Variants in SPTBN1 observed in about 807,000 individuals in gnomAD.
The protein encoded by SPTBN1 is spectrin beta, non-erythrocytic 1, also known as spectrin beta chain, non-erythrocytic 1.
A neutral mutation model predicts 266.4 loss-of-function variants in SPTBN1; 32 were observed. The observed-to-expected ratio is 0.12, with a 90% confidence interval of 0.09 to 0.16. The LOEUF is 0.16. SPTBN1 is among the 10% of genes least tolerant of loss of function. The pLI is 1.00. For missense variants in SPTBN1, 2,296 were observed against 3,067.1 expected (o/e 0.75, Z 5.94); for synonymous variants, 1,336 against 1,162.2 (o/e 1.15, Z -3.04).
Position 54,647,248 on chromosome 2 carries a change from A to G in SPTBN1, c.4984A>G (p.Ser1662Gly). The G allele has an allele frequency of 6.2e-7, 1 of 1,613,978 alleles. No individual in the cohort carries two copies. The part of the protein sequence containing the change: ...SKTSRALVAD[S>G]HPESERISMR... The stretch of plus-strand genomic sequence containing the variant: ...GACCAGCCGGGCCCTGGTGGCCGAC[A>G]GCCATCCTGAAAGGTGAGCGCTGCT... Residue 1662 changes from serine to glycine, a missense_variant, in exon 24 of 36, where the codon AGC (serine) becomes GGC (glycine). Ser to Gly is a moderately conservative substitution (Grantham distance 56). Around this residue, in one of 12 missense-constraint regions of SPTBN1, gnomAD observed 644 missense variants for 745.3 expected, o/e 0.86. Coordinates refer to ENST00000356805, the MANE Select transcript of SPTBN1 (RefSeq NM_003128.3).
intron 1 of SPTBN1, among the ~76,000 whole-genome samples, chr2:54,519,353 G>A (rs1371066621): frequency 2.6e-5 from 4 of 152,172 alleles, no homozygotes; most frequent in East Asian, 1.9e-4. Context: ...ATAGGTCAGC[G>A]GTGCATAAGG....
intron 2 of SPTBN1, among the ~76,000 whole-genome samples, chr2:54,559,451 A>C (rs1673127052): frequency 6.6e-6 from 1 of 152,220 alleles, no homozygotes; most frequent in South Asian, 2.1e-4. Context: ...ATAATTTCTA[A>C]TGAAAGCCGG....
intron 1 of SPTBN1, among the ~76,000 whole-genome samples, chr2:54,465,862 G>A (rs1024300737): frequency 6.6e-6 from 1 of 151,882 alleles, no homozygotes; most frequent in Admixed American, 6.6e-5. Context: ...CTATTTTATG[G>A]TCCAAGTCTC....
rs141619895 is a variant in SPTBN1 at position 54,565,820 on chromosome 2, C to T, written c.149-33272C>T. ...TGTACTATTAAAATGTGAAGGATGG[C>T]TGTTGTTTCCATGACTGTATTCCTT... On this transcript the variant is annotated intron_variant, in intron 2 of 35. Transcript: ENST00000356805. Among the ~76,000 whole-genome samples the T allele has an allele frequency of 2.5e-3, 376 of 152,306 alleles. 2 individuals are homozygous for T. The highest frequency in any genetic ancestry group is 8.7e-3 in the African/African-American group (362 of 41,558).
rs371035069 is a variant in SPTBN1 at position 54,487,834 on chromosome 2, T to C, written c.-48+31316T>C. Among the ~76,000 whole-genome samples the C allele has an allele frequency of 1.4e-4, 11 of 79,272 alleles. 2 individuals carry two copies. The highest frequency in any genetic ancestry group is 2.5e-4 in the Non-Finnish European group (9 of 36,314). The allele number at this position is 79,272 out of a possible 152,430, so 52.0% of individuals were successfully genotyped here. A position where few individuals can be genotyped will look rare whatever the true frequency, so the allele number is the denominator to read the frequency against. On this transcript the variant is annotated intron_variant, in intron 1 of 35. Transcript: ENST00000356805. ...CACTTGATGGTCTCCTCCTGTGTCT[T>C]TTTTTTTTTTTTTGAGACGGAGTCT...
At chr2:54,575,574 G>T (rs560589508) in intron 2 of SPTBN1, among the ~76,000 whole-genome samples, 1 of 152,354 alleles carries the variant, frequency 6.6e-6, no homozygotes, top group Admixed American at 6.5e-5. Flanking sequence ...TTGAGCCATA[G>T]CTTAAATTCA....
chr2:54,604,853 G>A (rs940601805), intron 3 of SPTBN1, among the ~76,000 whole-genome samples: 2 of 152,148 alleles, frequency 1.3e-5, no homozygotes, highest in African/African-American at 4.8e-5. Flanking sequence ...ATTTAAAGGA[G>A]GATCAGTAAA....
At chr2:54,468,675 T>C (rs1405941097) in intron 1 of SPTBN1, among the ~76,000 whole-genome samples, 2 of 152,234 alleles carry the variant, frequency 1.3e-5, no homozygotes, top group African/African-American at 4.8e-5. Context: ...AAAAATTTGT[T>C]TATTATAGCT....
chr2:54,567,335 T>G (rs1383465226), intron 2 of SPTBN1, among the ~76,000 whole-genome samples: 1 of 151,940 alleles, frequency 6.6e-6, no homozygotes, highest in Non-Finnish European at 1.5e-5. Flanking sequence ...AGGATTTTTA[T>G]TTTATTTATT....
chr2:54,660,325 C>T, intron 32 of SPTBN1: 1 of 1,276,856 alleles, frequency 7.8e-7, no homozygotes, highest in Non-Finnish European at 9.9e-7. Context: ...TAAGATTTTA[C>T]AGCGAAACCC....
chr2:54,639,529 G>C (rs1020754276), intron 18 of SPTBN1, among the ~76,000 whole-genome samples: 1 of 152,208 alleles, frequency 6.6e-6, no homozygotes, highest in Non-Finnish European at 1.5e-5. Flanking sequence ...AGCAATGAGT[G>C]GCCAGGGGAA....
At chr2:54,639,509 C>T (rs555049871) in intron 18 of SPTBN1, among the ~76,000 whole-genome samples, 7 of 152,274 alleles carry the variant, frequency 4.6e-5, no homozygotes, top group Admixed American at 3.9e-4. Context: ...AAAAAGAAGA[C>T]CAGGGAGTGA....
Position 54,646,199 on chromosome 2 carries a change from C to T in SPTBN1, c.4590C>T (p.Leu1530=). The T allele has an allele frequency of 1.2e-6, 2 of 1,609,566 alleles. No homozygotes were observed. Among genetic ancestry groups the T allele is most frequent in the Admixed American group, 3.4e-5 (2 of 59,400 alleles). ...GTATTTTCCGCTCCCTCCAGACCCT[C>T]CAGAAAGAAATCCAGGGGCACCAGC... ...VQLLIKKNQT[L]QKEIQGHQPR... is the part of the protein sequence containing the mutation. Residue 1530 remains leucine, a synonymous_variant, in exon 23 of 36, where the codon CTC becomes CTT. Transcript: ENST00000356805. The surrounding 1 kb of genome is among the most constrained non-coding windows in gnomAD (Gnocchi z 4.4).
chr2:54,516,875 A>G (rs906248438), intron 1 of SPTBN1, among the ~76,000 whole-genome samples: 1 of 152,160 alleles, frequency 6.6e-6, no homozygotes, highest in African/African-American at 2.4e-5. Context: ...TACATGTAAG[A>G]TTTACATTGG....
intron 24 of SPTBN1, among the ~76,000 whole-genome samples, 172 bp from the exon 25 acceptor site, chr2:54,648,814 A>G (rs1474196126): frequency 6.6e-6 from 1 of 152,194 alleles, no homozygotes; most frequent in Admixed American, 6.5e-5. Flanking sequence ...ACGACTTCAA[A>G]TTGTGGCCAA....
intron 2 of SPTBN1, among the ~76,000 whole-genome samples, chr2:54,590,302 C>T (rs1675583459): frequency 6.6e-6 from 1 of 152,156 alleles, no homozygotes; most frequent in South Asian, 2.1e-4. Context: ...CTGCCTAGGG[C>T]CTGTCTTTGT....
In SPTBN1 at chr2:54,668,854, G is replaced by A. The variant is rs1012146354; in HGVS notation, c.*285G>A. The A allele has an allele frequency of 5.5e-5, 19 of 344,578 alleles. No individual in the cohort carries two copies. Among genetic ancestry groups the A allele is most frequent in the Non-Finnish European group, 1.0e-4 (19 of 184,410 alleles). 21.3% of individuals were successfully genotyped at this position (344,578 alleles called of 1,614,324 possible). ...TTAAACTGTTCCTCAATTTTGTGAG[G>A]CTGTGTTGGAAATAACCCGCCTCTA... On this transcript the variant is annotated 3_prime_UTR_variant, in exon 36 of 36. Transcript: ENST00000356805.
At position 54,626,080 on chromosome 2, in the gene SPTBN1, A is replaced by C. The variant is rs199862700; in HGVS notation, c.1490A>C (p.Lys497Thr). The C allele has an allele frequency of 6.2e-6, 10 of 1,614,182 alleles. No individual in the cohort carries two copies. The Admixed American group carries it at 1.0e-4, about 16-fold the overall frequency. ...GAGGCCGAGAATTACCACGACATCAAGCGCATCACAGCGAGGAAGGACAAT... is the reference window on the plus strand; with the variant it reads ...GAGGCCGAGAATTACCACGACATCACGCGCATCACAGCGAGGAAGGACAAT... ...ELEAENYHDI[K>T]RITARKDNVI... The change falls in exon 12 of 36, where the codon AAG becomes ACG. Residue 497 changes from lysine to threonine, a missense_variant. Coordinates refer to ENST00000356805, the MANE Select transcript of SPTBN1 (RefSeq NM_003128.3). The surrounding 1 kb of genome is among the most constrained non-coding windows in gnomAD (Gnocchi z 4.7).
chr2:54,670,617 A>G lies in SPTBN1; in HGVS notation c.*2048A>G, dbSNP rs1241766611. On this transcript the variant is annotated 3_prime_UTR_variant, in exon 36 of 36. Transcript: ENST00000356805. ...GTTAAGGCAAAGTATCTTGGAAACA[A>G]TTGTGATTAATTACAGTCTTGTACT... The G allele has an allele frequency of 2.0e-5, 8 of 398,496 alleles. No homozygotes were observed. The highest frequency in any genetic ancestry group is 1.4e-4 in the East Asian group (4 of 28,094). The allele number at this position is 398,496 out of a possible 1,614,324, so 24.7% of individuals were successfully genotyped here.
Sources: allele counts gnomAD v4.1 joint callset (sites outside exome capture counted in the v4.1 genomes callset), GRCh38; gene constraint gnomAD v4.1.1; regional missense constraint gnomAD v4.1.1; non-coding constraint Gnocchi (gnomAD v3.1); transcripts MANE v1.5; gene names NCBI Gene and HGNC (gene_info 2026-07-23, HGNC 2026-07-21).